CAMK1D: variants seen among roughly 807,000 people sequenced by gnomAD.
The protein encoded by CAMK1D is calcium/calmodulin dependent protein kinase ID, also known as calcium/calmodulin-dependent protein kinase type 1D.
Under a neutral mutation model 47.7 loss-of-function variants are expected in CAMK1D, and 9 were observed. That is an observed-to-expected ratio of 0.19 (90% CI 0.11 to 0.33). The LOEUF is 0.33. CAMK1D is among the 10% of genes least tolerant of loss of function. The pLI is 1.00. For missense variants in CAMK1D, 291 were observed against 488.7 expected, an observed-to-expected ratio of 0.60 and a Z score of 3.81; for synonymous variants, 184 against 184.9, an observed-to-expected ratio of 0.99 and a Z score of 0.04.
At chr10:12,395,439 C>T (rs1838908363) in intron 1 of CAMK1D, among the ~76,000 whole-genome samples, 1 of 151,980 alleles carries the variant, frequency 6.6e-6, no homozygotes, top group Admixed American at 6.6e-5. Context: ...ACCTCATTAG[C>T]CCACAAAAGA....
chr10:12,518,277 T>G (rs1835270113), intron 1 of CAMK1D, among the ~76,000 whole-genome samples: 3 of 152,246 alleles, frequency 2.0e-5, no homozygotes, highest in African/African-American at 7.2e-5. Flanking sequence ...CTTTGCACTA[T>G]AATGGCAGAG....
chr10:12,786,612 G>A (rs757164813), intron 5 of CAMK1D, among the ~76,000 whole-genome samples: 6 of 152,200 alleles, frequency 3.9e-5, no homozygotes, highest in Non-Finnish European at 8.8e-5. Context: ...AGGCTGGAGT[G>A]CAATGGTGCA....
intron 2 of CAMK1D, among the ~76,000 whole-genome samples, chr10:12,620,324 A>G (rs544669648): frequency 2.6e-5 from 4 of 151,726 alleles, no homozygotes; most frequent in African/African-American, 7.3e-5. Flanking sequence ...TGGTGGTTGC[A>G]TGTTCCATTT....
chr10:12,537,796 CTT>C (rs140872908), intron 1 of CAMK1D, among the ~76,000 whole-genome samples: 2 of 152,112 alleles, frequency 1.3e-5, no homozygotes, highest in African/African-American at 4.8e-5. Flanking sequence ...TCCGCTGAGA[CTT>C]TTGGATTTTG....
At chr10:12,805,532 G>C (rs1049665020) in intron 6 of CAMK1D, among the ~76,000 whole-genome samples, 4 of 151,684 alleles carry the variant, frequency 2.6e-5, no homozygotes, top group African/African-American at 9.7e-5. Context: ...CACCATGCTC[G>C]GCTAATTTTA....
chr10:12,599,000 G>A (rs1188633904), intron 2 of CAMK1D, among the ~76,000 whole-genome samples: 2 of 152,278 alleles, frequency 1.3e-5, no homozygotes, highest in African/African-American at 2.4e-5. Flanking sequence ...AATGATGCAC[G>A]AGAATGCTCA....
At chr10:12,451,053 AG>A (rs752662205) in intron 1 of CAMK1D, among the ~76,000 whole-genome samples, 5 of 152,168 alleles carry the variant, frequency 3.3e-5, no homozygotes, top group Non-Finnish European at 5.9e-5. Context: ...GGGAGTGAGG[AG>A]AACCATTCTT....
At chr10:12,760,926 C>G (rs757145849) in intron 3 of CAMK1D, 22 bp from the exon 4 acceptor site, 7 of 1,607,914 alleles carry the variant, frequency 4.4e-6, no homozygotes, top group Admixed American at 1.7e-5. Flanking sequence ...TTTCAAACTT[C>G]TAATATGTTC....
chr10:12,561,763 C>T (rs141861464), intron 2 of CAMK1D, among the ~76,000 whole-genome samples: 1 of 152,172 alleles, frequency 6.6e-6, no homozygotes, highest in Non-Finnish European at 1.5e-5. Context: ...TGTTTTGTCC[C>T]TTGCAAAAAT....
chr10:12,705,558 A>G (rs1379004175), intron 3 of CAMK1D, among the ~76,000 whole-genome samples: 4 of 152,256 alleles, frequency 2.6e-5, no homozygotes, highest in Non-Finnish European at 4.4e-5. Context: ...TTTCACTTCC[A>G]TGAACGGTGT....
At chr10:12,387,224 C>T (rs911735046) in intron 1 of CAMK1D, among the ~76,000 whole-genome samples, 3 of 149,490 alleles carry the variant, frequency 2.0e-5, no homozygotes, top group Non-Finnish European at 3.0e-5. Context: ...AAAAAGTTAC[C>T]GTTACATATT....
intron 1 of CAMK1D, among the ~76,000 whole-genome samples, chr10:12,455,589 A>G (rs1000621290): frequency 2.6e-5 from 4 of 152,178 alleles, no homozygotes; most frequent in African/African-American, 9.7e-5. Flanking sequence ...TTGTATGTAA[A>G]AGTTGTTCGT....
chr10:12,522,945 G>A (rs1835479825), intron 1 of CAMK1D, among the ~76,000 whole-genome samples: 1 of 102,946 alleles, frequency 9.7e-6, no homozygotes, highest in East Asian at 2.6e-4. Flanking sequence ...TCCCAGACGG[G>A]GCGGCTGGCC....
intron 1 of CAMK1D, among the ~76,000 whole-genome samples, chr10:12,533,518 C>G (rs17493032): frequency 0.23 from 34,433 of 151,926 alleles, 4,426 homozygotes; most frequent in South Asian, 0.3. Flanking sequence ...AGTGTAGATA[C>G]TATTTCTGCT....
At chr10:12,361,960 C>G (rs940312146) in intron 1 of CAMK1D, among the ~76,000 whole-genome samples, 1 of 152,130 alleles carries the variant, frequency 6.6e-6, no homozygotes, top group African/African-American at 2.4e-5. Context: ...GGCTTTGGAG[C>G]CTCCCCTACC....
At chr10:12,438,211 A>G (rs575429590) in intron 1 of CAMK1D, among the ~76,000 whole-genome samples, 15 of 152,140 alleles carry the variant, frequency 9.9e-5, no homozygotes, top group Admixed American at 7.2e-4. Flanking sequence ...GCAAAGTGCA[A>G]TTCAGGTGTC....
chr10:12,676,471 G>A (rs1174714154), intron 3 of CAMK1D, among the ~76,000 whole-genome samples: 1 of 152,124 alleles, frequency 6.6e-6, no homozygotes, highest in African/African-American at 2.4e-5. Context: ...TCTGCCTGTT[G>A]TCTGCTGGAA....
intron 6 of CAMK1D, among the ~76,000 whole-genome samples, chr10:12,800,130 C>T (rs915612596): frequency 6.6e-6 from 1 of 152,186 alleles, no homozygotes; most frequent in Non-Finnish European, 1.5e-5. Flanking sequence ...GTTTCCCTGG[C>T]CTGCTCTCTT....
chr10:12,529,067 G>A (rs756587508), intron 1 of CAMK1D, among the ~76,000 whole-genome samples: 1 of 152,018 alleles, frequency 6.6e-6, no homozygotes, highest in Non-Finnish European at 1.5e-5. Context: ...TGAACTCCTG[G>A]GCTCAAGCAA....
Sources: allele counts gnomAD v4.1 joint callset (sites outside exome capture counted in the v4.1 genomes callset), GRCh38; gene constraint gnomAD v4.1.1; transcripts MANE v1.5; gene names NCBI Gene and HGNC (gene_info 2026-07-23, HGNC 2026-07-21).